Variants in MUCL3 observed in about 807,000 individuals in gnomAD.
The protein encoded by MUCL3 is mucin-like protein 3.
A neutral mutation model predicts 70.2 loss-of-function variants in MUCL3; 42 were observed. The observed-to-expected ratio is 0.60, with a 90% CI of 0.47 to 0.77. The LOEUF is 0.77. Ranked by LOEUF, MUCL3 falls within the 30% of genes least tolerant of loss-of-function variation. MUCL3 has a pLI of 0.00. For synonymous variants in MUCL3, 522 were observed against 647.0 expected (o/e 0.81, Z 2.93); for missense variants, 1,429 against 1,670.0 (o/e 0.86, Z 2.52).
At position 30,953,176 on chromosome 6, in the gene MUCL3, A is replaced by G; in HGVS notation, c.*59A>G. On this transcript the variant is annotated 3_prime_UTR_variant, in exon 3 of 3. Coordinates refer to ENST00000462446, the MANE Select transcript of MUCL3 (RefSeq NM_080870.4). ...TGCTCTGCCCCTTTCCTGGATGAGGAACCGGACTCACAATTTCTATTTCCG... is the reference window on the plus strand; with the variant it reads ...TGCTCTGCCCCTTTCCTGGATGAGGGACCGGACTCACAATTTCTATTTCCG... 6.3e-7 allele frequency: 1 copy of G among 1,588,010 alleles called. No homozygotes were observed. The highest frequency in any genetic ancestry group is 8.5e-7 in the Non-Finnish European group (1 of 1,169,784).
chr6:30,952,260 G>C lies in MUCL3; in HGVS notation c.3796G>C (p.Val1266Leu). The change falls in exon 2 of 3, where the codon GTT becomes CTT. Residue 1266 changes from valine to leucine, a missense_variant. Val to Leu is a conservative substitution (Grantham distance 32). Transcript: ENST00000462446. ...TTSSHLNKTEVTHQVPTGSFT... is the reference protein window; with the variant it reads ...TTSSHLNKTELTHQVPTGSFT... ...CTCTTCTCATCTAAATAAAACTGAAGTTACTCATCAGGTGCCCACTGGTTC... is the reference window on the plus strand; with the variant it reads ...CTCTTCTCATCTAAATAAAACTGAACTTACTCATCAGGTGCCCACTGGTTC... 3 of 1,614,084 alleles carry C rather than the reference G, an allele frequency of 1.9e-6. No individual in the cohort carries two copies. The highest frequency in any genetic ancestry group is 2.5e-6 in the Non-Finnish European group (3 of 1,180,014).
At chr6:30,942,044 G>A (rs770372532) in intron 1 of MUCL3, among the ~76,000 whole-genome samples, 2 of 152,094 alleles carry the variant, frequency 1.3e-5, no homozygotes, top group African/African-American at 2.4e-5. Flanking sequence ...CTGCCCAGCC[G>A]TACCAGTATT....
At position 30,951,616 on chromosome 6, in the gene MUCL3, C is replaced by T. The variant is rs1395575983; in HGVS notation, c.3152C>T (p.Ala1051Val). Residue 1051 changes from alanine (A) to valine (V), a missense_variant, in exon 2 of 3, where the codon GCC (alanine) becomes GTC (valine). Transcript: ENST00000462446. ...PTEHEEMTPS[A>V]NENTTPSPVK... is the part of the protein sequence containing the mutation. ...GAACACGAAGAAATGACCCCATCGG[C>T]CAATGAGAACACCACACCATCCCCA... The T allele has an allele frequency of 6.5e-7, 1 of 1,543,616 alleles. No homozygotes were observed. Among genetic ancestry groups the T allele is most frequent in the East Asian group, 2.4e-5 (1 of 40,880 alleles).
At position 30,953,410 on chromosome 6, in the gene MUCL3, C is replaced by A. The variant is rs1463847960; in HGVS notation, c.*293C>A. 2 of 495,068 alleles carry A rather than the reference C, an allele frequency of 4.0e-6. No individual in the cohort carries two copies. Among genetic ancestry groups the A allele is most frequent in the Non-Finnish European group, 7.2e-6 (2 of 276,074 alleles). 30.7% of individuals were successfully genotyped at this position (495,068 alleles called of 1,614,324 possible). ...TTTGATGGACATGTTGTGGGGGCAC[C>A]AATGCAGAACACTGCACTGAGTCCT... On this transcript the variant is annotated 3_prime_UTR_variant, in exon 3 of 3. Coordinates refer to ENST00000462446, the MANE Select transcript of MUCL3 (RefSeq NM_080870.4).
At chr6:30,947,102 A>G (rs1035700589) in intron 1 of MUCL3, among the ~76,000 whole-genome samples, 1 of 152,190 alleles carries the variant, frequency 6.6e-6, no homozygotes, top group Non-Finnish European at 1.5e-5. Context: ...TGGGAGATCA[A>G]TCACCATAGA....
rs1260453575 is a variant in MUCL3 at position 30,945,463 on chromosome 6, C to A, written c.83-3084C>A. On this transcript the variant is annotated intron_variant, in intron 1 of 2. Transcript: ENST00000462446. Reference sequence around the variant, plus strand: ...GACCAGCCTGGCCAACATAGTGAGACCCTGCGTCTTAAAAAAAAAAAAAAA... The same window carrying A: ...GACCAGCCTGGCCAACATAGTGAGAACCTGCGTCTTAAAAAAAAAAAAAAA... 2.8e-5 allele frequency among the ~76,000 whole-genome samples: 4 copies of A among 143,244 alleles called. No homozygotes were observed. The East Asian group carries it at 8.0e-4, about 29-fold the overall frequency. The allele number at this position is 143,244 out of a possible 152,430, so 94.0% of individuals were successfully genotyped here. A position where few individuals can be genotyped will look rare whatever the true frequency, so the allele number is the denominator to read the frequency against.
chr6:30,951,351 G>A lies in MUCL3; in HGVS notation c.2887G>A (p.Glu963Lys). ...KATPSPAKPTEHGETTVNEDT... is the reference protein window; with the variant it reads ...KATPSPAKPTKHGETTVNEDT... ...CACACCATCCCCAGCAAAGCCTACA[G>A]AACATGGAGAAACGACAGTCAATGA... Residue 963 changes from glutamate to lysine, a missense_variant, in exon 2 of 3, where the codon GAA becomes AAA. By Grantham distance (56) the Glu-to-Lys change is moderately conservative. Coordinates refer to ENST00000462446, the MANE Select transcript of MUCL3 (RefSeq NM_080870.4). The A allele has an allele frequency of 1.9e-6, 3 of 1,546,474 alleles. No individual in the cohort carries two copies. Among genetic ancestry groups the A allele is most frequent in the Non-Finnish European group, 2.6e-6 (3 of 1,143,718 alleles).
At position 30,952,171 on chromosome 6, in the gene MUCL3, C is replaced by G. The variant is rs1437425197; in HGVS notation, c.3707C>G (p.Ala1236Gly). Reference protein sequence around the residue: ...VKSTENPEKTAAVTKTIKPSV... With the variant: ...VKSTENPEKTGAVTKTIKPSV... ...TCCACAGAAAACCCAGAAAAAACAG[C>G]AGCAGTCACAAAGACTATAAAACCT... Residue 1236 changes from alanine to glycine, a missense_variant, in exon 2 of 3, where the codon GCA becomes GGA. Ala to Gly is a moderately conservative substitution (Grantham distance 60, BLOSUM62 0). Transcript: ENST00000462446. 6.2e-7 allele frequency: 1 copy of G among 1,613,914 alleles called. No individual in the cohort carries two copies. Among genetic ancestry groups the G allele is most frequent in the African/African-American group, 1.3e-5 (1 of 74,862 alleles).
At chr6:30,944,121 CT>C (rs1213843654) in intron 1 of MUCL3, among the ~76,000 whole-genome samples, 1 of 152,200 alleles carries the variant, frequency 6.6e-6, no homozygotes, top group Non-Finnish European at 1.5e-5. Flanking sequence ...TAGAGATGCT[CT>C]TTTGGGACAG....
chr6:30,948,201 T>G (rs1314609965), intron 1 of MUCL3, among the ~76,000 whole-genome samples: 1 of 151,986 alleles, frequency 6.6e-6, no homozygotes, highest in African/African-American at 2.4e-5. Flanking sequence ...TAACGTGAAG[T>G]TGAAGGTAAC....
At position 30,948,939 on chromosome 6, in the gene MUCL3, A is replaced by G. The variant is rs775671886; in HGVS notation, c.475A>G (p.Thr159Ala). 1 of 1,550,696 alleles carries G rather than the reference A, an allele frequency of 6.4e-7. No individual in the cohort carries two copies. Among genetic ancestry groups the G allele is most frequent in the East Asian group, 2.4e-5 (1 of 40,930 alleles). Residue 159 changes from threonine (T) to alanine (A), a missense_variant, in exon 2 of 3, where the codon ACG becomes GCG. Coordinates refer to ENST00000462446, the MANE Select transcript of MUCL3 (RefSeq NM_080870.4). ...HKESAGKKHI[T>A]PAPKSKINCR... ...AGAATCCGCTGGAAAAAAACATATA[A>G]CGCCAGCACCCAAGAGCAAAATAAA...
At position 30,952,986 on chromosome 6, in the gene MUCL3, C is replaced by A. The variant is rs1469903632; in HGVS notation, c.4051C>A (p.Arg1351=). The A allele has an allele frequency of 1.2e-6, 2 of 1,614,164 alleles. No homozygotes were observed. The highest frequency in any genetic ancestry group is 1.1e-5 in the South Asian group (1 of 91,064). The change falls in exon 3 of 3, where the codon CGG becomes AGG. Residue 1351 remains arginine (R), a synonymous_variant. Transcript: ENST00000462446. ...CCAATCACAGGTCTCCTATATGATG[C>A]GGACACGCCGCACACTAACCCAGAA... ...GLIFLVSYMM[R]TRRTLTQNTQ... is the part of the protein sequence containing the mutation.
chr6:30,941,208 G>T (rs1795558735), intron 1 of MUCL3, 127 bp downstream of exon 1: 1 of 1,174,978 alleles, frequency 8.5e-7, no homozygotes, highest in Non-Finnish European at 1.2e-6. Flanking sequence ...TGTCTAGAGT[G>T]TTCTCTGCTC....
Position 30,950,425 on chromosome 6 carries a change from C to T in MUCL3, c.1961C>T (p.Thr654Ile), listed in dbSNP as rs1251367599. ...NREMTANEKT[T>I]LFPAEPTENR... is the part of the protein sequence containing the mutation. ...GAAATGACAGCCAACGAGAAGACCA[C>T]ACTATTCCCAGCAGAGCCTACAGAA... Residue 654 changes from threonine to isoleucine, a missense_variant, in exon 2 of 3, where the codon ACA (threonine) becomes ATA (isoleucine). Physicochemically the swap from Thr to Ile is moderately conservative, Grantham distance 89 (BLOSUM62 -1). Coordinates refer to ENST00000462446, the MANE Select transcript of MUCL3 (RefSeq NM_080870.4). 4 of 1,550,068 alleles carry T rather than the reference C, an allele frequency of 2.6e-6. No individual in the cohort carries two copies. The highest frequency in any genetic ancestry group is 4.9e-5 in the East Asian group (2 of 40,806).
chr6:30,952,199 A>C lies in MUCL3; in HGVS notation c.3735A>C (p.Ser1245=), dbSNP rs1432599546. 3 of 1,614,204 alleles carry C rather than the reference A, an allele frequency of 1.9e-6. No individual in the cohort carries two copies. In the East Asian group the frequency reaches 6.7e-5, roughly 36 times the overall value. ...TAAVTKTIKP[S]VKVTGDKSLT... ...CAGTCACAAAGACTATAAAACCTTCAGTCAAGGTCACAGGAGACAAATCTC... is the reference window on the plus strand; with the variant it reads ...CAGTCACAAAGACTATAAAACCTTCCGTCAAGGTCACAGGAGACAAATCTC... The change falls in exon 2 of 3, where the codon TCA becomes TCC. Residue 1245 remains serine (S), a synonymous_variant. Coordinates refer to ENST00000462446, the MANE Select transcript of MUCL3 (RefSeq NM_080870.4).
chr6:30,940,980 A>G lies in MUCL3; in HGVS notation c.-20A>G. 1.3e-6 allele frequency: 2 copies of G among 1,547,726 alleles called. No homozygotes were observed. The highest frequency in any genetic ancestry group is 8.7e-7 in the Non-Finnish European group (1 of 1,146,956). ...AGGGGTCCGCAGCCCATGGTCCCCA[A>G]GCAGCCACCCAGCTCCGACATGGCC... On this transcript the variant is annotated 5_prime_UTR_variant, in exon 1 of 3. Coordinates refer to ENST00000462446, the MANE Select transcript of MUCL3 (RefSeq NM_080870.4). This position sits in a 1 kb window ranked among gnomAD's most constrained non-coding sequence, Gnocchi z 4.4.
In MUCL3 at chr6:30,949,587, C is replaced by T. The variant is rs970283648; in HGVS notation, c.1123C>T (p.Pro375Ser). The T allele has an allele frequency of 1.2e-5, 18 of 1,540,910 alleles. No individual in the cohort carries two copies. The highest frequency in any genetic ancestry group is 7.0e-6 in the Non-Finnish European group (8 of 1,141,396). ...GERTANENTT[P>S]SPAEPTEHGE... Reference sequence around the variant, plus strand: ...AAGGACAGCCAATGAGAACACCACACCATCCCCAGCAGAGCCTACAGAACA... The same window carrying T: ...AAGGACAGCCAATGAGAACACCACATCATCCCCAGCAGAGCCTACAGAACA... Residue 375 changes from proline to serine, a missense_variant, in exon 2 of 3, where the codon CCA (proline) becomes TCA (serine). Pro to Ser is a moderately conservative substitution (Grantham distance 74). Transcript: ENST00000462446.
At chr6:30,946,182 G>C (rs1467727816) in intron 1 of MUCL3, 8 of 152,212 alleles carry the variant, frequency 5.3e-5, no homozygotes, top group Admixed American at 5.2e-4. Context: ...AGAAGGACAG[G>C]GCAAAGCACG....
Position 30,949,463 on chromosome 6 carries a change from G to A in MUCL3, c.999G>A (p.Glu333=). The A allele has an allele frequency of 1.3e-6, 2 of 1,509,148 alleles. No homozygotes were observed. The allele number at this position is 1,509,148 out of a possible 1,614,324, so 93.5% of individuals were successfully genotyped here. Residue 333 remains glutamate (E), a synonymous_variant, in exon 2 of 3, where the codon GAG becomes GAA. Coordinates refer to ENST00000462446, the MANE Select transcript of MUCL3 (RefSeq NM_080870.4). ...AAAATAGAGAAAGGACAGCCAATGA[G>A]AACACCGCACCATTCCCAGCAGGGC... The part of the protein sequence containing the change: ...PIENRERTAN[E]NTAPFPAGPT...
Sources: gnomAD v4.1 joint callset for allele counts (sites outside exome capture counted in the v4.1 genomes callset) on GRCh38, gnomAD v4.1.1 for gene constraint, Gnocchi (gnomAD v3.1) non-coding constraint, MANE v1.5 for transcripts, NCBI Gene and HGNC (gene_info 2026-07-23, HGNC 2026-07-21) for gene names.